PTPN4: variants seen among roughly 807,000 people sequenced by gnomAD.
PTPN4 encodes tyrosine-protein phosphatase non-receptor type 4.
In PTPN4, 49 loss-of-function variants were observed where a neutral mutation model predicts 135.5. The observed-to-expected ratio is 0.36, with a 90% confidence interval of 0.29 to 0.46. PTPN4 has a LOEUF of 0.46. PTPN4 is among the 20% of genes least tolerant of loss of function. PTPN4 has a pLI of 1.00. For missense variants in PTPN4, 860 were observed against 1,101.0 expected, an observed-to-expected ratio of 0.78 and a Z score of 3.10; for synonymous variants, 333 against 369.9, an observed-to-expected ratio of 0.90 and a Z score of 1.14.
At chr2:119,764,333 T>C (rs1489305661) in intron 1 of PTPN4, among the ~76,000 whole-genome samples, 1 of 152,212 alleles carries the variant, frequency 6.6e-6, no homozygotes, top group African/African-American at 2.4e-5. Flanking sequence ...CCCCGGTGCT[T>C]ATCAAATTAA....
chr2:119,867,745 C>A (rs1268716292), intron 3 of PTPN4, among the ~76,000 whole-genome samples: 2 of 152,128 alleles, frequency 1.3e-5, no homozygotes, highest in African/African-American at 4.8e-5. Context: ...CCCAAGATAA[C>A]TAACTGATTG....
At chr2:119,766,546 C>G (rs548038459) in intron 1 of PTPN4, among the ~76,000 whole-genome samples, 168 of 151,568 alleles carry the variant, frequency 1.1e-3, no homozygotes, top group African/African-American at 3.8e-3. Context: ...TACTGGTGCC[C>G]TAAACATGCA....
intron 10 of PTPN4, among the ~76,000 whole-genome samples, chr2:119,906,088 G>A (rs766450328): frequency 3.4e-4 from 52 of 152,028 alleles, no homozygotes; most frequent in Non-Finnish European, 6.5e-4. Context: ...AAATTTAGTC[G>A]AAGAAAAAGC....
In PTPN4 at chr2:119,862,486, A is replaced by G. The variant is rs181949213; in HGVS notation, c.139-50A>G. The G allele has an allele frequency of 1.5e-3, 2,198 of 1,505,008 alleles. 4 individuals are homozygous for G. The highest frequency in any genetic ancestry group is 3.0e-3 in the Admixed American group (173 of 57,748). 93.2% of individuals were successfully genotyped at this position (1,505,008 alleles called of 1,614,324 possible). A position where few individuals can be genotyped will look rare whatever the true frequency, so the allele number is the denominator to read the frequency against. On this transcript the variant is annotated intron_variant, in intron 2 of 26. Coordinates refer to ENST00000263708, the MANE Select transcript of PTPN4 (RefSeq NM_002830.4). ...GTCAACCAGGTTAAAAAATGTGAAG[A>G]ATGTAACCTATCAAAGTTGATTTCA...
At chr2:119,892,358 T>C (rs1678252864) in intron 9 of PTPN4, among the ~76,000 whole-genome samples, 1 of 152,252 alleles carries the variant, frequency 6.6e-6, no homozygotes, top group Admixed American at 6.5e-5. Context: ...TTTTGAGTTG[T>C]ACATTTAAGA....
In PTPN4 at chr2:119,799,159, T is replaced by G. The variant is rs1218646689; in HGVS notation, c.-17-10678T>G. Among the ~76,000 whole-genome samples, 3 of 152,206 alleles carry G rather than the reference T, an allele frequency of 2.0e-5. No homozygotes were observed. In the East Asian group the frequency reaches 5.8e-4, roughly 29 times the overall value. On this transcript the variant is annotated intron_variant, in intron 1 of 26. Transcript: ENST00000263708. ...TCAGATCATTGGAAACTAGGATGAC[T>G]TAATGTTCCTCTATTGGTCTGTAGA...
intron 12 of PTPN4, among the ~76,000 whole-genome samples, 174 bp from the exon 13 acceptor site, chr2:119,926,424 T>C (rs989258884): frequency 6.6e-6 from 1 of 152,212 alleles, no homozygotes; most frequent in African/African-American, 2.4e-5. Flanking sequence ...GTAACTAAGC[T>C]TCATTCATCC....
intron 13 of PTPN4, among the ~76,000 whole-genome samples, chr2:119,930,892 A>G (rs576058801): frequency 3.5e-4 from 53 of 152,074 alleles, no homozygotes; most frequent in African/African-American, 9.9e-4. Context: ...AAATATCCCA[A>G]TGAGCTAAAA....
At chr2:119,959,072 T>C (rs1388580516) in intron 22 of PTPN4, among the ~76,000 whole-genome samples, 2 of 152,168 alleles carry the variant, frequency 1.3e-5, no homozygotes, top group Admixed American at 1.3e-4. Flanking sequence ...AATGTGCATG[T>C]CTTCAGATGA....
chr2:119,877,376 A>G lies in PTPN4; in HGVS notation c.289+11A>G. 15 of 1,611,866 alleles carry G rather than the reference A, an allele frequency of 9.3e-6. No homozygotes were observed. The highest frequency in any genetic ancestry group is 1.3e-5 in the Non-Finnish European group (15 of 1,179,290). On this transcript the variant is annotated intron_variant, in intron 4 of 26. Transcript: ENST00000263708. ...GGAAGCAGCTAAAGAGTGAGCATAC[A>G]TATTTACTTAATGTTTTGCAAGTTT...
chr2:119,914,248 ATTTTTTTTTTTTTTTT>A (rs55911315), intron 10 of PTPN4, among the ~76,000 whole-genome samples: 3 of 97,428 alleles, frequency 3.1e-5, no homozygotes, highest in Admixed American at 3.1e-4. Context: ...TAGTTACTCA[ATTTTTTTTTTTTTTTT>A]TTTTTTTTTT....
At chr2:119,826,735 A>G (rs1429588072) in intron 2 of PTPN4, among the ~76,000 whole-genome samples, 1 of 152,160 alleles carries the variant, frequency 6.6e-6, no homozygotes, top group African/African-American at 2.4e-5. Context: ...AAATTTTTAA[A>G]ATAATCTTAG....
At chr2:119,793,158 A>G (rs1446673419) in intron 1 of PTPN4, among the ~76,000 whole-genome samples, 1 of 152,196 alleles carries the variant, frequency 6.6e-6, no homozygotes, top group Non-Finnish European at 1.5e-5. Flanking sequence ...GGCGTGTTTC[A>G]TCCTTACCTA....
chr2:119,862,014 A>T lies in PTPN4; in HGVS notation c.139-522A>T, dbSNP rs1677767014. Among the ~76,000 whole-genome samples, 3 of 152,150 alleles carry T rather than the reference A, an allele frequency of 2.0e-5. No individual in the cohort carries two copies. In the South Asian group the frequency reaches 6.2e-4, roughly 32 times the overall value. On this transcript the variant is annotated intron_variant, in intron 2 of 26. Coordinates refer to ENST00000263708, the MANE Select transcript of PTPN4 (RefSeq NM_002830.4). ...ATAATACAAAATTATATTTTAAGTAATATTTAGCCAAATATGTCACTTTCC... is the reference window on the plus strand; with the variant it reads ...ATAATACAAAATTATATTTTAAGTATTATTTAGCCAAATATGTCACTTTCC...
Position 119,960,598 on chromosome 2 carries a change from T to C in PTPN4, c.2134-209T>C, listed in dbSNP as rs73948982. ...TATTTAAATTCTTATTTCCACTAAT[T>C]AAAAGATAAATACATGTAACTGTTG... is the stretch of plus-strand genomic sequence containing the variant. On this transcript the variant is annotated intron_variant, in intron 22 of 26. Coordinates refer to ENST00000263708, the MANE Select transcript of PTPN4 (RefSeq NM_002830.4). Among the ~76,000 whole-genome samples, 400 of 152,286 alleles carry C rather than the reference T, an allele frequency of 2.6e-3. 2 individuals carry two copies. The highest frequency in any genetic ancestry group is 9.2e-3 in the African/African-American group (384 of 41,554).
intron 3 of PTPN4, among the ~76,000 whole-genome samples, chr2:119,873,493 G>C (rs1677943651): frequency 2.0e-5 from 3 of 152,260 alleles, no homozygotes; most frequent in African/African-American, 4.8e-5. Flanking sequence ...GAGTAAACAA[G>C]AGATTCTTCC....
intron 3 of PTPN4, among the ~76,000 whole-genome samples, chr2:119,877,019 T>A (rs1313695703): frequency 6.6e-6 from 1 of 151,276 alleles, no homozygotes; most frequent in African/African-American, 2.4e-5. Context: ...TCACTTCACA[T>A]TCACTTCAGG....
intron 3 of PTPN4, among the ~76,000 whole-genome samples, chr2:119,871,048 A>G (rs752968748): frequency 3.3e-5 from 5 of 151,592 alleles, no homozygotes; most frequent in Admixed American, 6.6e-5. Context: ...ACATAACCCA[A>G]TAGAAAAATG....
intron 26 of PTPN4, among the ~76,000 whole-genome samples, chr2:119,973,652 C>CTTTTTTTTTTTTTTTTTTT (rs1553481271): frequency 5.5e-5 from 1 of 18,090 alleles, no homozygotes; most frequent in Non-Finnish European, 1.0e-4. Context: ...TCCTTCATTT[C>CTTTTTTTTTTTTTTTTTTT]TTGTTTTTTT....
Sources: allele counts gnomAD v4.1 joint callset (sites outside exome capture counted in the v4.1 genomes callset), GRCh38; gene constraint gnomAD v4.1.1; transcripts MANE v1.5; gene names NCBI Gene and HGNC (gene_info 2026-07-23, HGNC 2026-07-21).